RHOBTB1: variants seen among roughly 807,000 people sequenced by gnomAD.
The protein encoded by RHOBTB1 is rho-related BTB domain-containing protein 1.
In RHOBTB1, 40 loss-of-function variants were observed where a neutral mutation model predicts 71.6. The ratio of observed to expected loss-of-function variants is 0.56; its 90% CI spans 0.43 to 0.73. The LOEUF is 0.73. Among genes scored for constraint, RHOBTB1 ranks in the 30% least tolerant of loss-of-function variants. The probability of loss-of-function intolerance (pLI) is 0.00; values close to 1 mark genes in which losing one functional copy is unlikely to be tolerated. For synonymous variants in RHOBTB1, 319 were observed against 334.9 expected (o/e 0.95, Z 0.52); for missense variants, 797 against 894.0 (o/e 0.89, Z 1.38).
intron 4 of RHOBTB1, among the ~76,000 whole-genome samples, chr10:60,898,789 G>A (rs1260393060): frequency 6.6e-6 from 1 of 152,072 alleles, no homozygotes; most frequent in Non-Finnish European, 1.5e-5. Context: ...TTCCAAGCCC[G>A]TATCTGCATG....
intron 2 of RHOBTB1, among the ~76,000 whole-genome samples, chr10:60,954,575 A>G (rs2085522064): frequency 1.3e-5 from 2 of 152,180 alleles, no homozygotes; most frequent in African/African-American, 4.8e-5. Flanking sequence ...TTTGGCACAT[A>G]CCTGTACCAA....
At chr10:60,865,511 C>T (rs1392940326), downstream of RHOBTB1, among the ~76,000 whole-genome samples, 1 of 152,200 alleles carries the variant, frequency 6.6e-6, no homozygotes, top group East Asian at 1.9e-4. Context: ...TCATCTTGGC[C>T]TCTTGCCTTT....
At chr10:60,905,810 A>C (rs536751774) in intron 4 of RHOBTB1, among the ~76,000 whole-genome samples, 1 of 152,238 alleles carries the variant, frequency 6.6e-6, no homozygotes, top group Admixed American at 6.5e-5. Flanking sequence ...GCTAACTCAA[A>C]ATGCTGTATC....
chr10:60,897,035 T>C (rs1446638592), intron 4 of RHOBTB1, among the ~76,000 whole-genome samples: 1 of 152,132 alleles, frequency 6.6e-6, no homozygotes, highest in Non-Finnish European at 1.5e-5. Context: ...TGTGAAAGAT[T>C]GGCAAGGATA....
At chr10:60,948,492 G>C (rs185688212), upstream of RHOBTB1, among the ~76,000 whole-genome samples, 1 of 152,304 alleles carries the variant, frequency 6.6e-6, no homozygotes, top group Admixed American at 6.5e-5. Context: ...GGCCAATGCA[G>C]CTGGTCACAG....
chr10:60,868,273 T>C (rs2080649787), downstream of RHOBTB1, among the ~76,000 whole-genome samples: 1 of 152,192 alleles, frequency 6.6e-6, no homozygotes, highest in African/African-American at 2.4e-5. Flanking sequence ...TCTATCTATC[T>C]GTCTATCTTC....
At chr10:60,982,059 C>T (rs1011174958) in intron 2 of RHOBTB1, among the ~76,000 whole-genome samples, 2 of 152,230 alleles carry the variant, frequency 1.3e-5, no homozygotes, top group African/African-American at 4.8e-5. Flanking sequence ...GCATGAGCCA[C>T]TGTGGCTGGC....
chr10:60,975,128 G>A (rs1029228124), intron 2 of RHOBTB1, among the ~76,000 whole-genome samples: 17 of 152,022 alleles, frequency 1.1e-4, no homozygotes, highest in Admixed American at 9.2e-4. Flanking sequence ...ACTGATTGCT[G>A]TATTTTTCTC....
intron 6 of RHOBTB1, among the ~76,000 whole-genome samples, chr10:60,886,833 C>A (rs970260700): frequency 5.3e-5 from 8 of 150,784 alleles, no homozygotes; most frequent in Non-Finnish European, 8.8e-5. Context: ...AGCCACCATG[C>A]CTGGCTATAT....
chr10:60,900,471 A>G (rs2082363512), intron 4 of RHOBTB1, among the ~76,000 whole-genome samples: 1 of 152,166 alleles, frequency 6.6e-6, no homozygotes, highest in African/African-American at 2.4e-5. Context: ...CCGGGAACTG[A>G]CACCTCTAGT....
chr10:60,878,002 A>T lies in RHOBTB1; in HGVS notation c.1632T>A (p.Tyr544Ter). The change falls in exon 8 of 11, where the codon TAT becomes TAA. Residue 544 changes from tyrosine (Y) to a stop codon, truncating the protein, a stop_gained. Coordinates refer to ENST00000337910, the MANE Select transcript of RHOBTB1 (RefSeq NM_014836.5). LOFTEE classifies it high-confidence loss of function. ...ISMQAVLDYLYTKQLSPNLDL... is the reference protein window; with the variant it reads ...ISMQAVLDYL Reference sequence around the variant, plus strand: ...CCAAGTTAGGAGACAACTGCTTGGTATAGAGATAATCCAATACTGCTTGCA... The same window carrying T: ...CCAAGTTAGGAGACAACTGCTTGGTTTAGAGATAATCCAATACTGCTTGCA... 1.9e-6 allele frequency: 3 copies of T among 1,613,354 alleles called. No individual in the cohort carries two copies. The highest frequency in any genetic ancestry group is 2.5e-6 in the Non-Finnish European group (3 of 1,179,318).
chr10:60,888,862 A>T lies in RHOBTB1; in HGVS notation c.806T>A (p.Leu269Gln). 6.2e-7 allele frequency: 1 copy of T among 1,614,222 alleles called. No homozygotes were observed. The highest frequency in any genetic ancestry group is 8.5e-7 in the Non-Finnish European group (1 of 1,180,024). ...GTGTTCCTGGTCCTGAAGGATGAAC[A>T]GAACATCGGCACATAGAGGATTGTC... is the stretch of plus-strand genomic sequence containing the variant. ...LLDNPLCADVLFILQDQEHIF... is the reference protein window; with the variant it reads ...LLDNPLCADVQFILQDQEHIF... The change falls in exon 6 of 11, where the codon CTG becomes CAG. Residue 269 changes from leucine (L) to glutamine (Q), a missense_variant. Transcript: ENST00000337910.
chr10:60,939,843 A>C (rs528565623), intron 2 of RHOBTB1, among the ~76,000 whole-genome samples: 2 of 152,330 alleles, frequency 1.3e-5, no homozygotes, highest in South Asian at 2.1e-4. Flanking sequence ...AGCCTTATGA[A>C]GTTCAAAAGA....
chr10:60,959,129 ACAAATAAGCAAC>A (rs1447207553), intron 2 of RHOBTB1, among the ~76,000 whole-genome samples: 1 of 152,192 alleles, frequency 6.6e-6, no homozygotes, highest in Non-Finnish European at 1.5e-5. Flanking sequence ...TTCAAGAGAT[ACAAATAAGCAAC>A]TGGTAAAATG....
chr10:60,889,689 A>T (rs1046084006), intron 5 of RHOBTB1, among the ~76,000 whole-genome samples: 9 of 152,302 alleles, frequency 5.9e-5, no homozygotes, highest in African/African-American at 2.2e-4. Context: ...ACAGTAACTG[A>T]AGGATCATCA....
rs1018801266 is a variant in RHOBTB1, at chr10:60,869,899, G to A, written c.*1583C>T. 6.6e-6 allele frequency: 1 copy of A among 152,608 alleles called. No individual in the cohort carries two copies. Among genetic ancestry groups the A allele is most frequent in the Non-Finnish European group, 1.5e-5 (1 of 68,034 alleles). The allele number at this position is 152,608 out of a possible 1,614,324, so 9.5% of individuals were successfully genotyped here. On this transcript the variant is annotated 3_prime_UTR_variant, in exon 11 of 11. Coordinates refer to ENST00000337910, the MANE Select transcript of RHOBTB1 (RefSeq NM_014836.5). ...CTTCTATCTGGTGTTTCCACTGCCA[G>A]TAATAAATGCCCATCTGTAATCTAG...
intron 2 of RHOBTB1, among the ~76,000 whole-genome samples, chr10:60,933,562 A>C (rs1431776184): frequency 1.3e-5 from 2 of 152,028 alleles, no homozygotes; most frequent in Non-Finnish European, 2.9e-5. Context: ...TCTACTAAAA[A>C]TATAAAAATT....
chr10:60,956,712 C>G (rs181110219), intron 2 of RHOBTB1, among the ~76,000 whole-genome samples: 11 of 151,386 alleles, frequency 7.3e-5, no homozygotes, highest in African/African-American at 2.7e-4. Flanking sequence ...TTAGCCTAGG[C>G]TTACACAGGG....
At position 60,964,318 on chromosome 10, in the gene RHOBTB1, G is replaced by T. The variant is rs146428388; in HGVS notation, c.-62+21527C>A. On this transcript the variant is annotated intron_variant, in intron 2 of 11. Coordinates refer to the RHOBTB1 transcript ENST00000357917. ...AGAGAGGATACAACTGATTATAAAC[G>T]CTCTCCTGGGTTTTGGGCCACCACT... 5.1e-3 allele frequency among the ~76,000 whole-genome samples: 781 copies of T among 152,112 alleles called. 1 individual carries two copies. The highest frequency in any genetic ancestry group is 7.0e-3 in the Non-Finnish European group (477 of 67,980).
Sources: allele counts gnomAD v4.1 joint callset (sites outside exome capture counted in the v4.1 genomes callset), GRCh38; gene constraint gnomAD v4.1.1; transcripts MANE v1.5; gene names NCBI Gene and HGNC (gene_info 2026-07-23, HGNC 2026-07-21).